The following SPOCK3 variants were observed in gnomAD, a reference collection of about 807,000 sequenced individuals.
SPOCK3 encodes testican-3.
SPOCK3 carries 30 observed loss-of-function variants against 56.6 expected under a neutral mutation model. The observed-to-expected ratio is 0.53, with a 90% CI of 0.40 to 0.72. The LOEUF is 0.72. SPOCK3 is among the 30% of genes least tolerant of loss of function. SPOCK3 has a pLI of 0.00. For missense variants in SPOCK3, 527 were observed against 530.0 expected (o/e 0.99, Z 0.06); for synonymous variants, 196 against 183.3 (o/e 1.07, Z -0.56).
At chr4:166,977,442 C>T (rs2150085363) in intron 4 of SPOCK3, among the ~76,000 whole-genome samples, 1 of 115,032 alleles carries the variant, frequency 8.7e-6, no homozygotes, top group African/African-American at 2.8e-5. Flanking sequence ...GCAAGAAAGG[C>T]AAGAAAGAAC....
At chr4:167,018,976 G>A (rs1363145240) in intron 3 of SPOCK3, among the ~76,000 whole-genome samples, 3 of 151,942 alleles carry the variant, frequency 2.0e-5, no homozygotes, top group South Asian at 2.1e-4. Flanking sequence ...AGATCAATGG[G>A]ACACAAGTCT....
intron 2 of SPOCK3, among the ~76,000 whole-genome samples, chr4:167,103,708 C>A (rs940730833): frequency 2.0e-5 from 3 of 152,198 alleles, no homozygotes; most frequent in African/African-American, 7.2e-5. Flanking sequence ...GGCTTCACCA[C>A]CTGCAGATAG....
At chr4:167,197,887 G>T (rs1733115972) in intron 2 of SPOCK3, among the ~76,000 whole-genome samples, 1 of 152,144 alleles carries the variant, frequency 6.6e-6, no homozygotes, top group Admixed American at 6.6e-5. Context: ...AGGCAAGCCT[G>T]CAGAAGACAC....
chr4:166,792,325 A>G (rs376352833), intron 6 of SPOCK3, 36 bp from the exon 7 acceptor site: 81 of 1,610,716 alleles, frequency 5.0e-5, no homozygotes, highest in Non-Finnish European at 6.6e-5. Context: ...CTTGAATAAT[A>G]TCTTAGTATA....
At chr4:166,961,174 A>G (rs1246680759) in intron 4 of SPOCK3, among the ~76,000 whole-genome samples, 1 of 152,044 alleles carries the variant, frequency 6.6e-6, no homozygotes, top group Non-Finnish European at 1.5e-5. Flanking sequence ...TCACATTTAT[A>G]CCCATGAAAT....
At chr4:166,864,389 A>G (rs1445204023) in intron 6 of SPOCK3, among the ~76,000 whole-genome samples, 1 of 152,192 alleles carries the variant, frequency 6.6e-6, no homozygotes, top group Non-Finnish European at 1.5e-5. Context: ...AAGCAAAAGC[A>G]AACAATTTCA....
At chr4:166,802,829 CAACT>C (rs1742759387) in intron 6 of SPOCK3, among the ~76,000 whole-genome samples, 1 of 151,982 alleles carries the variant, frequency 6.6e-6, no homozygotes, top group Non-Finnish European at 1.5e-5. Flanking sequence ...GTACAACTTA[CAACT>C]AATTGCCTGA....
At chr4:167,001,667 A>G (rs1748963908) in intron 3 of SPOCK3, among the ~76,000 whole-genome samples, 1 of 152,172 alleles carries the variant, frequency 6.6e-6, no homozygotes, top group African/African-American at 2.4e-5. Flanking sequence ...GTTGGTACAA[A>G]TAAACAAAAG....
rs184304519 is a variant in SPOCK3 at position 167,111,609 on chromosome 4, A to G, written c.190-49072T>C. On this transcript the variant is annotated intron_variant, in intron 2 of 10. Coordinates refer to ENST00000357545, the MANE Select transcript of SPOCK3 (RefSeq NM_001040159.2). ...CATTAATTCATCCTAATGTGCGAAT[A>G]TGCAATGTCATTATCATAGTTGAGT... Among the ~76,000 whole-genome samples, 64 of 152,310 alleles carry G rather than the reference A, an allele frequency of 4.2e-4. 1 individual carries two copies. The highest frequency in any genetic ancestry group is 7.1e-4 in the Non-Finnish European group (48 of 68,016).
At chr4:166,867,772 A>C (rs1435271696) in intron 6 of SPOCK3, among the ~76,000 whole-genome samples, 1 of 151,708 alleles carries the variant, frequency 6.6e-6, no homozygotes, top group Non-Finnish European at 1.5e-5. Flanking sequence ...AAGTATTATG[A>C]TGTTTTTAAT....
intron 3 of SPOCK3, among the ~76,000 whole-genome samples, chr4:167,005,999 T>C (rs545445173): frequency 6.6e-6 from 1 of 152,280 alleles, no homozygotes; most frequent in Non-Finnish European, 1.5e-5. Flanking sequence ...TTTTACAATA[T>C]GAAAATTTCA....
chr4:167,038,879 A>G (rs994396007), intron 3 of SPOCK3, among the ~76,000 whole-genome samples: 3 of 152,170 alleles, frequency 2.0e-5, no homozygotes, highest in Admixed American at 2.0e-4. Flanking sequence ...CATTTATGTG[A>G]TGGAATATGT....
rs191734177 is a variant in SPOCK3, at chr4:166,888,180, C to T, written c.589+950G>A. Among the ~76,000 whole-genome samples, 4 of 152,036 alleles carry T rather than the reference C, an allele frequency of 2.6e-5. No individual in the cohort carries two copies. The East Asian group carries it at 5.8e-4, about 22-fold the overall frequency. ...TATGGAATAACAAGTATATCATGCT[C>T]AATGAAATACATAAGTTTATATTAA... is the stretch of plus-strand genomic sequence containing the variant. On this transcript the variant is annotated intron_variant, in intron 6 of 10. Transcript: ENST00000357545.
chr4:167,094,029 A>G (rs1196873998), intron 2 of SPOCK3, among the ~76,000 whole-genome samples: 1 of 152,202 alleles, frequency 6.6e-6, no homozygotes, highest in African/African-American at 2.4e-5. Flanking sequence ...CTTAAACTGC[A>G]TCTGCCACAG....
chr4:167,224,457 TA>T (rs1736387503), intron 2 of SPOCK3, among the ~76,000 whole-genome samples: 1 of 152,128 alleles, frequency 6.6e-6, no homozygotes, highest in Non-Finnish European at 1.5e-5. Context: ...TAAATCCACA[TA>T]AAAAAGCTTA....
At chr4:166,784,848 TAGTC>T (rs1056945875) in intron 7 of SPOCK3, among the ~76,000 whole-genome samples, 2 of 152,112 alleles carry the variant, frequency 1.3e-5, no homozygotes, top group African/African-American at 4.8e-5. Flanking sequence ...ATCTTAATCT[TAGTC>T]AGACTCTGCT....
intron 6 of SPOCK3, among the ~76,000 whole-genome samples, chr4:166,841,713 G>A (rs1305055121): frequency 6.6e-6 from 1 of 152,158 alleles, no homozygotes; most frequent in Non-Finnish European, 1.5e-5. Flanking sequence ...CTGTGCCTGT[G>A]GAAGGCAGAA....
intron 8 of SPOCK3, among the ~76,000 whole-genome samples, chr4:166,747,078 C>T (rs1735722490): frequency 1.8e-5 from 1 of 55,422 alleles, no homozygotes; most frequent in Non-Finnish European, 4.4e-5. Context: ...GGTACCATTC[C>T]TTCTGAAACT....
At chr4:166,912,576 T>C (rs1330156412) in intron 5 of SPOCK3, 44 bp downstream of exon 5, 1 of 1,562,316 alleles carries the variant, frequency 6.4e-7, no homozygotes, top group South Asian at 1.1e-5. Context: ...TACTAATAAG[T>C]ATGCATCCCT....
Sources: gnomAD v4.1 joint callset for allele counts (sites outside exome capture counted in the v4.1 genomes callset) on GRCh38, gnomAD v4.1.1 for gene constraint, MANE v1.5 for transcripts, NCBI Gene and HGNC (gene_info 2026-07-23, HGNC 2026-07-21) for gene names.